DLGAP1: variants seen among roughly 807,000 people sequenced by gnomAD.
DLGAP1 encodes the protein disks large-associated protein 1.
In DLGAP1, 11 loss-of-function variants were observed where a neutral mutation model predicts 90.8. That is an observed-to-expected ratio of 0.12 (90% confidence interval 0.08 to 0.20). The LOEUF (loss-of-function observed/expected upper bound fraction) is 0.20, where lower values mean the gene tolerates loss of function less well. Ranked by LOEUF, DLGAP1 falls within the 10% of genes least tolerant of loss-of-function variation. The probability of loss-of-function intolerance (pLI) is 1.00; values close to 1 mark genes in which losing one functional copy is unlikely to be tolerated. For missense variants in DLGAP1, 1,050 were observed against 1,333.8 expected, an observed-to-expected ratio of 0.79 and a Z score of 3.31; for synonymous variants, 558 against 540.7, an observed-to-expected ratio of 1.03 and a Z score of -0.44.
At chr18:4,286,795 T>C (rs1408619423) in intron 1 of DLGAP1, among the ~76,000 whole-genome samples, 1 of 152,042 alleles carries the variant, frequency 6.6e-6, no homozygotes, top group Non-Finnish European at 1.5e-5. Flanking sequence ...GGGAAATAAT[T>C]TTGTTAGGGA....
chr18:3,575,544 G>A (rs747005858), intron 8 of DLGAP1, among the ~76,000 whole-genome samples: 2 of 152,136 alleles, frequency 1.3e-5, no homozygotes, highest in African/African-American at 2.4e-5. Flanking sequence ...CTGTTGCCAG[G>A]GGTCACCTTT....
At chr18:4,314,056 G>C (rs1322836080) in intron 1 of DLGAP1, among the ~76,000 whole-genome samples, 2 of 152,192 alleles carry the variant, frequency 1.3e-5, no homozygotes, top group East Asian at 3.9e-4. Flanking sequence ...GGAGAGAGGA[G>C]AGGCATCTTT....
chr18:4,025,529 T>A (rs1389609996), intron 2 of DLGAP1, among the ~76,000 whole-genome samples: 3 of 152,092 alleles, frequency 2.0e-5, no homozygotes, highest in Non-Finnish European at 4.4e-5. Context: ...TTCTTCAGGG[T>A]GGTAAAGTGA....
chr18:4,049,047 T>C (rs2075095177), intron 2 of DLGAP1, among the ~76,000 whole-genome samples: 1 of 151,906 alleles, frequency 6.6e-6, no homozygotes, highest in Non-Finnish European at 1.5e-5. Context: ...GGCAACATGG[T>C]GAAACCCCAT....
At chr18:4,089,767 C>T (rs534974298) in intron 2 of DLGAP1, among the ~76,000 whole-genome samples, 4 of 152,318 alleles carry the variant, frequency 2.6e-5, no homozygotes, top group South Asian at 2.1e-4. Context: ...TCTTCCTGGC[C>T]GGGCACGGTG....
In DLGAP1 at chr18:3,498,869, A is replaced by G; in HGVS notation, c.*316T>C. ...GAGAACTGAGGACGGCGGGTGACCT[A>G]AAGGCATCACTTCTACACAGGTGGG... On this transcript the variant is annotated 3_prime_UTR_variant, in exon 13 of 13. Coordinates refer to ENST00000315677, the MANE Select transcript of DLGAP1 (RefSeq NM_004746.4). 1 of 364,602 alleles carries G rather than the reference A, an allele frequency of 2.7e-6. No homozygotes were observed. Among genetic ancestry groups the G allele is most frequent in the South Asian group, 5.7e-5 (1 of 17,434 alleles). The allele number at this position is 364,602 out of a possible 1,614,324, so 22.6% of individuals were successfully genotyped here. A position where few individuals can be genotyped will look rare whatever the true frequency, so the allele number is the denominator to read the frequency against.
intron 1 of DLGAP1, among the ~76,000 whole-genome samples, chr18:4,355,702 G>A (rs373776435): frequency 6.0e-5 from 9 of 148,856 alleles, no homozygotes; most frequent in South Asian, 4.3e-4. Context: ...AGTTATCTTC[G>A]GAGAAAACTG....
At chr18:4,134,905 T>C (rs1326419811) in intron 2 of DLGAP1, among the ~76,000 whole-genome samples, 1 of 152,026 alleles carries the variant, frequency 6.6e-6, no homozygotes, top group Non-Finnish European at 1.5e-5. Context: ...GCAGCCCAGC[T>C]GTTCTACAGT....
chr18:4,269,717 G>A (rs569566287), intron 1 of DLGAP1, among the ~76,000 whole-genome samples: 8 of 151,534 alleles, frequency 5.3e-5, no homozygotes, highest in Admixed American at 2.6e-4. Context: ...CATTGACATA[G>A]TCTATAATTA....
chr18:4,108,669 C>A (rs1473939759), intron 2 of DLGAP1, among the ~76,000 whole-genome samples: 1 of 152,072 alleles, frequency 6.6e-6, no homozygotes, highest in African/African-American at 2.4e-5. Context: ...AAAATGATTT[C>A]ATCATGTGAT....
At chr18:4,093,385 A>T (rs1286162024) in intron 2 of DLGAP1, among the ~76,000 whole-genome samples, 2 of 152,164 alleles carry the variant, frequency 1.3e-5, no homozygotes, top group Non-Finnish European at 2.9e-5. Flanking sequence ...TTCTGTGGGG[A>T]ACCAGAGGGA....
At chr18:4,034,524 G>A (rs2074856848) in intron 2 of DLGAP1, among the ~76,000 whole-genome samples, 2 of 152,124 alleles carry the variant, frequency 1.3e-5, no homozygotes, top group Non-Finnish European at 2.9e-5. Context: ...CAAATATATA[G>A]TTGTCAATTT....
chr18:3,981,424 A>AG (rs1403332174), intron 3 of DLGAP1, among the ~76,000 whole-genome samples: 1 of 152,254 alleles, frequency 6.6e-6, no homozygotes, highest in Non-Finnish European at 1.5e-5. Context: ...CGGAGACCAC[A>AG]GCTCCTGCTA....
chr18:3,813,991 C>CA (rs2066967499), intron 5 of DLGAP1, 68 bp downstream of exon 5: 1 of 1,509,590 alleles, frequency 6.6e-7, no homozygotes, highest in African/African-American at 1.4e-5. Flanking sequence ...CTAGGAGACA[C>CA]ACCATCTGAG....
intron 4 of DLGAP1, among the ~76,000 whole-genome samples, chr18:3,832,427 C>T (rs974236954): frequency 5.9e-5 from 9 of 152,198 alleles, no homozygotes; most frequent in African/African-American, 9.6e-5. Flanking sequence ...AGTAACGATG[C>T]TGGCTTTCTG....
At chr18:3,655,686 G>T in intron 7 of DLGAP1, 1 of 171,770 alleles carries the variant, frequency 5.8e-6, no homozygotes. Context: ...TACTTCCTGG[G>T]CAAACATGTC....
At chr18:3,519,414 G>A (rs1230734146) in intron 10 of DLGAP1, among the ~76,000 whole-genome samples, 1 of 152,070 alleles carries the variant, frequency 6.6e-6, no homozygotes, top group African/African-American at 2.4e-5. Context: ...CAATGTATTT[G>A]GTTACCTCCC....
intron 1 of DLGAP1, among the ~76,000 whole-genome samples, chr18:4,243,090 T>TGTGA (rs148346619): frequency 0.019 from 2,855 of 152,278 alleles, 36 homozygotes; most frequent in Non-Finnish European, 0.027. Flanking sequence ...GATGGTGTGT[T>TGTGA]GTGAGGCTTG....
chr18:3,541,859 T>C (rs557990906), intron 9 of DLGAP1, among the ~76,000 whole-genome samples: 5 of 151,882 alleles, frequency 3.3e-5, no homozygotes, highest in Non-Finnish European at 5.9e-5. Flanking sequence ...AAACTCAGAA[T>C]TGGGTCACTT....
Sources: gnomAD v4.1 joint callset for allele counts (sites outside exome capture counted in the v4.1 genomes callset) on GRCh38, gnomAD v4.1.1 for gene constraint, MANE v1.5 for transcripts, NCBI Gene and HGNC (gene_info 2026-07-23, HGNC 2026-07-21) for gene names.